The following AGMO variants were observed in gnomAD, a reference collection of about 807,000 sequenced individuals.
The protein encoded by AGMO is alkylglycerol monooxygenase.
AGMO carries 75 observed loss-of-function variants against 60.2 expected under a neutral mutation model. The observed-to-expected ratio is 1.25, with a 90% CI of 1.03 to 1.51. The LOEUF (loss-of-function observed/expected upper bound fraction) is 1.51, where lower values mean the gene tolerates loss of function less well. Among genes scored for constraint, AGMO ranks in the 40% most tolerant of loss-of-function variants. The pLI is 0.00. For missense variants in AGMO, 763 were observed against 525.5 expected (o/e 1.45, Z -4.42); for synonymous variants, 261 against 177.1 (o/e 1.47, Z -3.76).
intron 10 of AGMO, among the ~76,000 whole-genome samples, chr7:15,376,742 T>A (rs1388811426): frequency 6.6e-6 from 1 of 152,074 alleles, no homozygotes; most frequent in Non-Finnish European, 1.5e-5. Context: ...TTCCAACATG[T>A]ACTCATGATA....
chr7:15,387,446 G>C lies in AGMO; in HGVS notation c.917C>G (p.Pro306Arg), dbSNP rs1027351670. Reference protein sequence around the residue: ...SVIFKGPGWGPGKPRLGLSEE... With the variant: ...SVIFKGPGWGRGKPRLGLSEE... The stretch of plus-strand genomic sequence containing the variant: ...ACTGAGACCAAGTCTTGGTTTACCT[G>C]GACCCCATCCCGGTCCCTTAAATAT... Residue 306 changes from proline to arginine, a missense_variant, in exon 9 of 13, where the codon CCA becomes CGA. Coordinates refer to ENST00000342526, the MANE Select transcript of AGMO (RefSeq NM_001004320.2). 6.2e-7 allele frequency: 1 copy of C among 1,613,896 alleles called. No individual in the cohort carries two copies. The highest frequency in any genetic ancestry group is 1.3e-5 in the African/African-American group (1 of 74,914).
At chr7:15,371,928 T>C (rs1783235117) in intron 10 of AGMO, among the ~76,000 whole-genome samples, 1 of 125,542 alleles carries the variant, frequency 8.0e-6, no homozygotes, top group Non-Finnish European at 1.9e-5. Context: ...TAAGTGTTTC[T>C]AAATATTAAA....
chr7:15,235,365 T>C (rs1196979193), intron 12 of AGMO, among the ~76,000 whole-genome samples: 1 of 152,144 alleles, frequency 6.6e-6, no homozygotes, highest in Non-Finnish European at 1.5e-5. Context: ...GTGTAGTAAG[T>C]GTCCACTGAA....
chr7:15,349,754 C>T (rs989979935), intron 12 of AGMO, among the ~76,000 whole-genome samples: 62 of 152,090 alleles, frequency 4.1e-4, no homozygotes, highest in Admixed American at 2.6e-4. Context: ...GGCATCTCTT[C>T]ACAGGGTGAC....
intron 12 of AGMO, among the ~76,000 whole-genome samples, chr7:15,354,225 AT>A (rs1156690671): frequency 6.9e-6 from 1 of 144,922 alleles, no homozygotes; most frequent in Non-Finnish European, 1.5e-5. Context: ...TCCATCAGTT[AT>A]TTTCTATGTA....
At chr7:15,139,780 C>T in the AGMO span, among the ~76,000 whole-genome samples, 1 of 144,216 alleles carries the variant, frequency 6.9e-6, no homozygotes, top group Non-Finnish European at 1.5e-5. Context: ...CACTGCACTC[C>T]AGCCTGGGCT....
chr7:15,182,653 G>T, the AGMO span, among the ~76,000 whole-genome samples: 1 of 152,178 alleles, frequency 6.6e-6, no homozygotes, highest in Non-Finnish European at 1.5e-5. Flanking sequence ...CTGAGCTCAA[G>T]TGACCCACCT....
chr7:15,198,251 GAGAGAC>G (rs71004369), downstream of AGMO, among the ~76,000 whole-genome samples: 3,783 of 74,048 alleles, frequency 0.051, 198 homozygotes, highest in African/African-American at 0.12. Flanking sequence ...GAGAGAGAGA[GAGAGAC>G]AGAGACAGAG....
At chr7:15,520,784 A>T (rs928461444) in intron 3 of AGMO, among the ~76,000 whole-genome samples, 2 of 152,206 alleles carry the variant, frequency 1.3e-5, no homozygotes, top group East Asian at 1.9e-4. Context: ...ACTACAATTT[A>T]AAAAACTAGA....
chr7:15,153,128 A>G, the AGMO span, among the ~76,000 whole-genome samples: 1 of 151,012 alleles, frequency 6.6e-6, no homozygotes, highest in Non-Finnish European at 1.5e-5. Context: ...GGCCCCTTGT[A>G]TATCTTCTTT....
At chr7:15,522,619 G>C (rs1305502875) in intron 3 of AGMO, among the ~76,000 whole-genome samples, 1 of 152,110 alleles carries the variant, frequency 6.6e-6, no homozygotes. Flanking sequence ...TTAATAACTG[G>C]TGTTGGAAAA....
chr7:15,301,428 G>A (rs1784555883), intron 12 of AGMO, among the ~76,000 whole-genome samples: 1 of 151,288 alleles, frequency 6.6e-6, no homozygotes, highest in African/African-American at 2.4e-5. Context: ...GACAGAGAGA[G>A]CTTCAGTCTC....
At chr7:15,496,739 G>C (rs889356934) in intron 3 of AGMO, among the ~76,000 whole-genome samples, 1 of 151,956 alleles carries the variant, frequency 6.6e-6, no homozygotes, top group African/African-American at 2.4e-5. Context: ...ATAAAATATT[G>C]GTTACATACA....
intron 12 of AGMO, among the ~76,000 whole-genome samples, chr7:15,315,316 C>T (rs1305864314): frequency 2.3e-5 from 3 of 130,514 alleles, no homozygotes; most frequent in African/African-American, 8.9e-5. Context: ...GCAAAACTTA[C>T]ATGGATATTT....
intron 3 of AGMO, among the ~76,000 whole-genome samples, chr7:15,529,004 G>T (rs752616390): frequency 6.6e-6 from 1 of 151,882 alleles, no homozygotes; most frequent in Non-Finnish European, 1.5e-5. Context: ...TAAGAAAGTG[G>T]GGTTATGGCA....
intron 12 of AGMO, among the ~76,000 whole-genome samples, chr7:15,238,008 A>C (rs1782479314): frequency 6.6e-6 from 1 of 152,064 alleles, no homozygotes; most frequent in African/African-American, 2.4e-5. Context: ...CCACATCAGC[A>C]AACATAGATG....
chr7:15,308,552 ATTTG>A (rs1359483787), intron 12 of AGMO, among the ~76,000 whole-genome samples: 2 of 151,990 alleles, frequency 1.3e-5, no homozygotes, highest in African/African-American at 2.4e-5. Context: ...TGCTTGTCTC[ATTTG>A]TTTGTCTCAA....
At chr7:15,417,767 A>G (rs558525173) in intron 5 of AGMO, among the ~76,000 whole-genome samples, 9 of 152,306 alleles carry the variant, frequency 5.9e-5, no homozygotes, top group African/African-American at 2.2e-4. Flanking sequence ...GATTTCACAT[A>G]TAATGCAGCT....
At chr7:15,327,168 T>A (rs193188387) in intron 12 of AGMO, among the ~76,000 whole-genome samples, 1 of 152,304 alleles carries the variant, frequency 6.6e-6, no homozygotes, top group Non-Finnish European at 1.5e-5. Flanking sequence ...ATAACCTGGC[T>A]CGGTTTTCAA....
Sources: allele counts gnomAD v4.1 joint callset (sites outside exome capture counted in the v4.1 genomes callset), GRCh38; gene constraint gnomAD v4.1.1; transcripts MANE v1.5; gene names NCBI Gene and HGNC (gene_info 2026-07-23, HGNC 2026-07-21).